CLOCK: variants seen among roughly 807,000 people sequenced by gnomAD.
The protein encoded by CLOCK is clock circadian regulator, also known as circadian locomoter output cycles protein kaput.
Under a neutral mutation model 118.4 loss-of-function variants are expected in CLOCK, and 43 were observed. That is an observed-to-expected ratio of 0.36 (90% CI 0.28 to 0.47). The LOEUF (loss-of-function observed/expected upper bound fraction) is 0.47. CLOCK is among the 20% of genes least tolerant of loss of function. The probability of loss-of-function intolerance (pLI) is 1.00; values close to 1 mark genes in which losing one functional copy is unlikely to be tolerated. For missense variants in CLOCK, 846 were observed against 999.9 expected (o/e 0.85, Z 2.08); for synonymous variants, 326 against 339.2 (o/e 0.96, Z 0.43).
intron 1 of CLOCK, among the ~76,000 whole-genome samples, chr4:55,540,199 G>A (rs1172924359): frequency 1.3e-5 from 2 of 151,710 alleles, no homozygotes; most frequent in African/African-American, 4.8e-5. Flanking sequence ...GTAGAGACAG[G>A]GTTTCACCAT....
At chr4:55,484,129 T>C (rs1005124934) in intron 3 of CLOCK, among the ~76,000 whole-genome samples, 7 of 152,196 alleles carry the variant, frequency 4.6e-5, no homozygotes, top group Admixed American at 2.0e-4. Context: ...CCTGGCAACA[T>C]TGCTGCATTG....
chr4:55,492,412 G>C (rs763645737), intron 2 of CLOCK, among the ~76,000 whole-genome samples: 6 of 147,836 alleles, frequency 4.1e-5, no homozygotes, highest in Non-Finnish European at 6.0e-5. Flanking sequence ...TATAAACCAA[G>C]AAAAGGAGGA....
rs1722792544 is a variant in CLOCK, at chr4:55,435,318, A to C, written c.*97T>G. The C allele has an allele frequency of 7.0e-7, 1 of 1,433,452 alleles. No homozygotes were observed. Among genetic ancestry groups the C allele is most frequent in the Non-Finnish European group, 9.8e-7 (1 of 1,020,172 alleles). 88.8% of individuals were successfully genotyped at this position (1,433,452 alleles called of 1,614,324 possible). On this transcript the variant is annotated 3_prime_UTR_variant, in exon 23 of 23. Coordinates refer to ENST00000513440, the MANE Select transcript of CLOCK (RefSeq NM_004898.4). The stretch of plus-strand genomic sequence containing the variant: ...GAACACTCAATACTGCATCTCATGA[A>C]ACTGCTGGAACTTTCCCTCCTTTCC...
intron 1 of CLOCK, among the ~76,000 whole-genome samples, chr4:55,516,839 T>G (rs1263890831): frequency 6.6e-6 from 1 of 152,352 alleles, no homozygotes; most frequent in East Asian, 1.9e-4. Context: ...TATACTTTTT[T>G]GCTTTTTTGT....
intron 7 of CLOCK, among the ~76,000 whole-genome samples, chr4:55,474,568 G>A (rs1400778844): frequency 1.3e-5 from 2 of 152,192 alleles, no homozygotes; most frequent in African/African-American, 2.4e-5. Flanking sequence ...TTCGTAGTTA[G>A]AAAGGAGAAG....
At chr4:55,439,472 C>A (rs11133378) in intron 21 of CLOCK, among the ~76,000 whole-genome samples, 1 of 151,896 alleles carries the variant, frequency 6.6e-6, no homozygotes, top group Non-Finnish European at 1.5e-5. Flanking sequence ...TCAAAAAATT[C>A]ACTATAGGAT....
At position 55,430,988 on chromosome 4, in the gene CLOCK, A is replaced by G. The variant is rs559139302; in HGVS notation, c.*4427T>C. Reference sequence around the variant, plus strand: ...CAACTACGGTTCACTGGACCTAAACATTTCTCAGAAATGTGTCATTTTATA... The same window carrying G: ...CAACTACGGTTCACTGGACCTAAACGTTTCTCAGAAATGTGTCATTTTATA... On this transcript the variant is annotated 3_prime_UTR_variant, in exon 23 of 23. Transcript: ENST00000513440. 6.6e-6 allele frequency: 1 copy of G among 152,302 alleles called. No individual in the cohort carries two copies. The highest frequency in any genetic ancestry group is 1.5e-5 in the Non-Finnish European group (1 of 68,022). The allele number at this position is 152,302 out of a possible 1,614,324, so 9.4% of individuals were successfully genotyped here. A position where few individuals can be genotyped will look rare whatever the true frequency, so the allele number is the denominator to read the frequency against.
At chr4:55,512,177 G>A (rs778156989) in intron 1 of CLOCK, among the ~76,000 whole-genome samples, 47 of 151,978 alleles carry the variant, frequency 3.1e-4, no homozygotes, top group Non-Finnish European at 5.1e-4. Context: ...CTTTCAATGA[G>A]GCTGTACCAT....
In CLOCK at chr4:55,450,194, G is replaced by A; in HGVS notation, c.1245C>T (p.Val415=). Residue 415 remains valine, a synonymous_variant, in exon 16 of 23, where the codon GTC becomes GTT. Coordinates refer to ENST00000513440, the MANE Select transcript of CLOCK (RefSeq NM_004898.4). ...DSGSDNRINT[V]SLKEALERFD... ...ACCTTTCCAATGCTTCCTTGAGACT[G>A]ACTGTGTTTATACGATTATCTGACC... 6.2e-7 allele frequency: 1 copy of A among 1,613,986 alleles called. No individual in the cohort carries two copies. The highest frequency in any genetic ancestry group is 8.5e-7 in the Non-Finnish European group (1 of 1,179,942).
At position 55,450,150 on chromosome 4, in the gene CLOCK, G is replaced by C. The variant is rs1724292531; in HGVS notation, c.1289C>G (p.Pro430Arg). The C allele has an allele frequency of 6.2e-7, 1 of 1,614,108 alleles. No homozygotes were observed. Among genetic ancestry groups the C allele is most frequent in the Admixed American group, 1.7e-5 (1 of 60,014 alleles). ...TCTTGAACTCCGAGAAGAGGCAGAAGGGGTTGGGCTGTGATCAAACCTTTC... is the reference window on the plus strand; with the variant it reads ...TCTTGAACTCCGAGAAGAGGCAGAACGGGTTGGGCTGTGATCAAACCTTTC... ...ALERFDHSPT[P>R]SASSRSSRKS... Residue 430 changes from proline (P) to arginine (R), a missense_variant, in exon 16 of 23, where the codon CCT (proline) becomes CGT (arginine). Physicochemically the swap from Pro to Arg is moderately radical, Grantham distance 103 (BLOSUM62 -2). This residue lies in a region of CLOCK where 520 missense variants were observed against 558.0 expected (regional missense o/e 0.93). Transcript: ENST00000513440.
At chr4:55,535,577 A>G (rs1209445611) in intron 1 of CLOCK, among the ~76,000 whole-genome samples, 2 of 152,122 alleles carry the variant, frequency 1.3e-5, no homozygotes, top group African/African-American at 4.8e-5. Context: ...ATAATAGGAA[A>G]TTGTCTGCAC....
At chr4:55,444,233 G>A (rs905869832) in intron 19 of CLOCK, among the ~76,000 whole-genome samples, 2 of 152,136 alleles carry the variant, frequency 1.3e-5, no homozygotes, top group Non-Finnish European at 2.9e-5. Flanking sequence ...CTCCTAGAGT[G>A]GTCCTGCTGG....
At chr4:55,540,007 ATTTT>A (rs57907284) in intron 1 of CLOCK, among the ~76,000 whole-genome samples, 2 of 135,992 alleles carry the variant, frequency 1.5e-5, no homozygotes, top group Non-Finnish European at 1.6e-5. Flanking sequence ...AATGATATTA[ATTTT>A]TTTTTTTTTT....
intron 15 of CLOCK, 83 bp downstream of exon 15, chr4:55,452,971 A>G: frequency 1.0e-6 from 1 of 961,616 alleles, no homozygotes; most frequent in Non-Finnish European, 1.6e-6. Context: ...ATTTTTGAAA[A>G]ATAGTTTTCC....
chr4:55,542,369 A>T, intron 1 of CLOCK, among the ~76,000 whole-genome samples: 1 of 24,432 alleles, frequency 4.1e-5, no homozygotes, highest in African/African-American at 1.2e-4. Flanking sequence ...TAATAATAAT[A>T]ATAATAATAA....
intron 15 of CLOCK, chr4:55,452,375 A>G (rs537902975): frequency 6.6e-6 from 1 of 152,456 alleles, no homozygotes; most frequent in Non-Finnish European, 1.5e-5. Flanking sequence ...GAAGTGTGCC[A>G]GCAACCACTA....
intron 2 of CLOCK, among the ~76,000 whole-genome samples, chr4:55,503,216 C>G (rs1728550146): frequency 6.6e-6 from 1 of 152,158 alleles, no homozygotes; most frequent in East Asian, 1.9e-4. Flanking sequence ...CAGAAGTATT[C>G]TTCATAACAG....
At chr4:55,531,355 TCAA>T (rs962986284) in intron 1 of CLOCK, among the ~76,000 whole-genome samples, 7 of 151,572 alleles carry the variant, frequency 4.6e-5, no homozygotes, top group Admixed American at 1.3e-4. Context: ...AAAGCAGATC[TCAA>T]CAACAACAAC....
Position 55,455,905 on chromosome 4 carries a change from T to C in CLOCK, c.974A>G (p.His325Arg), listed in dbSNP as rs1724889559. 6.2e-7 allele frequency: 1 copy of C among 1,612,054 alleles called. No homozygotes were observed. Among genetic ancestry groups the C allele is most frequent in the Non-Finnish European group, 8.5e-7 (1 of 1,178,364 alleles). ...TGTTAAAATCTACTTACAGTGCTCA[T>C]GACATTTTGCCAAATTTTCTAGGTC... ...VDDLENLAKC[H>R]EHLMQYGKGK... The change falls in exon 13 of 23, where the codon CAT becomes CGT. Residue 325 changes from histidine to arginine, a missense_variant. By Grantham distance (29) the His-to-Arg change is conservative. This residue lies in a region of CLOCK where 66 missense variants were observed against 99.4 expected (regional missense o/e 0.66). Transcript: ENST00000513440.
Sources: gnomAD v4.1 joint callset for allele counts (sites outside exome capture counted in the v4.1 genomes callset) on GRCh38, gnomAD v4.1.1 for gene constraint, gnomAD v4.1.1 regional missense constraint, MANE v1.5 for transcripts, NCBI Gene and HGNC (gene_info 2026-07-23, HGNC 2026-07-21) for gene names.